Variants in KCNIP4 observed in about 807,000 individuals in gnomAD.
KCNIP4 encodes Kv channel-interacting protein 4.
Under a neutral mutation model 34.0 loss-of-function variants are expected in KCNIP4, and 12 were observed. That is an observed-to-expected ratio of 0.35 (90% CI 0.23 to 0.57). The LOEUF (loss-of-function observed/expected upper bound fraction) is 0.57. KCNIP4 is among the 20% of genes least tolerant of loss of function. The pLI is 0.83. For synonymous variants in KCNIP4, 124 were observed against 102.2 expected (o/e 1.21, Z -1.29); for missense variants, 238 against 311.7 (o/e 0.76, Z 1.78).
chr4:21,789,352 T>C (rs1720122500), intron 1 of KCNIP4, among the ~76,000 whole-genome samples: 1 of 152,144 alleles, frequency 6.6e-6, no homozygotes, highest in South Asian at 2.1e-4. Context: ...GCTGACAATT[T>C]ATCTCTAATA....
chr4:21,647,249 AT>A (rs1747090342), intron 1 of KCNIP4, among the ~76,000 whole-genome samples: 1 of 152,116 alleles, frequency 6.6e-6, no homozygotes, highest in African/African-American at 2.4e-5. Flanking sequence ...ACATATACAC[AT>A]TTTTTGGAAG....
At chr4:21,106,709 T>A (rs1748578662) in intron 1 of KCNIP4, among the ~76,000 whole-genome samples, 1 of 151,640 alleles carries the variant, frequency 6.6e-6, no homozygotes, top group Non-Finnish European at 1.5e-5. Context: ...GTTTTGGATC[T>A]TTCCTGCTTT....
At chr4:20,952,496 A>G (rs1347752709) in intron 1 of KCNIP4, among the ~76,000 whole-genome samples, 1 of 152,144 alleles carries the variant, frequency 6.6e-6, no homozygotes, top group Non-Finnish European at 1.5e-5. Context: ...TGATACCTTG[A>G]CAAGATGTAA....
chr4:21,819,880 G>T (rs369656852), intron 1 of KCNIP4, among the ~76,000 whole-genome samples: 1 of 151,872 alleles, frequency 6.6e-6, no homozygotes, highest in Non-Finnish European at 1.5e-5. Flanking sequence ...TATGAGATTT[G>T]GTCTCTTTTA....
At position 20,729,415 on chromosome 4, in the gene KCNIP4, A is replaced by ATTAAATGCTTATTAAAATAAGTTTT. The variant is rs1553881441; in HGVS notation, c.*642_*666dup. 1 of 152,358 alleles carries ATTAAATGCTTATTAAAATAAGTTTT rather than the reference A, an allele frequency of 6.6e-6. No individual in the cohort carries two copies. The highest frequency in any genetic ancestry group is 1.5e-5 in the Non-Finnish European group (1 of 68,000). The allele number at this position is 152,358 out of a possible 1,614,324, so 9.4% of individuals were successfully genotyped here. On this transcript the variant is annotated 3_prime_UTR_variant, in exon 9 of 9. Coordinates refer to ENST00000382152, the MANE Select transcript of KCNIP4 (RefSeq NM_025221.6). Reference sequence around the variant, plus strand: ...CCTTGGCTGTAACATATTATGGAAAATTAAATGCTTATTAAAATAAGTTTT... The same window carrying ATTAAATGCTTATTAAAATAAGTTTT: ...CCTTGGCTGTAACATATTATGGAAAATTAAATGCTTATTAAAATAAGTTTTTTAAATGCTTATTAAAATAAGTTTT...
chr4:21,134,270 T>C (rs1445721653), intron 1 of KCNIP4, among the ~76,000 whole-genome samples: 4 of 152,246 alleles, frequency 2.6e-5, no homozygotes, highest in African/African-American at 7.2e-5. Flanking sequence ...TGAAGACTTA[T>C]ATGATGATCC....
intron 1 of KCNIP4, among the ~76,000 whole-genome samples, chr4:21,098,521 G>A (rs1747658477): frequency 6.6e-6 from 1 of 152,048 alleles, no homozygotes; most frequent in Non-Finnish European, 1.5e-5. Flanking sequence ...TAAACTTACT[G>A]TGTTTGTCCT....
At chr4:21,101,280 T>C (rs1390955550) in intron 1 of KCNIP4, among the ~76,000 whole-genome samples, 1 of 152,192 alleles carries the variant, frequency 6.6e-6, no homozygotes, top group East Asian at 1.9e-4. Context: ...GCTTGCAAAA[T>C]ACATGATTCC....
chr4:21,775,747 C>T (rs903615952), intron 1 of KCNIP4, among the ~76,000 whole-genome samples: 1 of 152,216 alleles, frequency 6.6e-6, no homozygotes, highest in African/African-American at 2.4e-5. Flanking sequence ...CTGGCCACAA[C>T]TTGTGTGTTG....
At chr4:21,026,134 G>A (rs1178943499) in intron 1 of KCNIP4, among the ~76,000 whole-genome samples, 4 of 152,108 alleles carry the variant, frequency 2.6e-5, no homozygotes, top group Non-Finnish European at 5.9e-5. Context: ...CTTGCCTTCT[G>A]GTTTCTGGTC....
chr4:21,528,776 AAAGG>A (rs1736345863), intron 1 of KCNIP4, among the ~76,000 whole-genome samples: 14 of 13,860 alleles, frequency 1.0e-3, no homozygotes, highest in African/African-American at 2.5e-3. Flanking sequence ...AGAAAGAAAG[AAAGG>A]AAGAAAGGAA....
intron 1 of KCNIP4, among the ~76,000 whole-genome samples, chr4:21,415,782 G>A (rs1000070393): frequency 2.0e-5 from 3 of 152,008 alleles, no homozygotes; most frequent in African/African-American, 7.2e-5. Flanking sequence ...ACACACACAC[G>A]TACAAACACA....
At position 21,504,504 on chromosome 4, in the gene KCNIP4, A is replaced by AAAGAAAGG. The variant is rs1451213413; in HGVS notation, c.61+444066_61+444067insCCTTTCTT. 4.4e-3 allele frequency among the ~76,000 whole-genome samples: 582 copies of AAAGAAAGG among 133,246 alleles called. 8 individuals carry two copies. The highest frequency in any genetic ancestry group is 0.012 in the African/African-American group (425 of 35,802). 87.4% of individuals were successfully genotyped at this position (133,246 alleles called of 152,430 possible). On this transcript the variant is annotated intron_variant, in intron 1 of 8. Transcript: ENST00000382152. The stretch of plus-strand genomic sequence containing the variant: ...GAAAGAAAGAAAGAAAGAAAGAAAG[A>AAAGAAAGG]AAGGAAGGAAGGAAGAAAGCAAGCA...
chr4:21,494,493 T>C (rs1732673808), intron 1 of KCNIP4, among the ~76,000 whole-genome samples: 1 of 151,944 alleles, frequency 6.6e-6, no homozygotes. Context: ...CCTATTAAGG[T>C]GCTGAGTGCG....
At chr4:21,792,264 G>A (rs767077244) in intron 1 of KCNIP4, among the ~76,000 whole-genome samples, 6 of 152,136 alleles carry the variant, frequency 3.9e-5, no homozygotes, top group Non-Finnish European at 8.8e-5. Context: ...GAAGGAATCA[G>A]CAAGGAGATG....
intron 1 of KCNIP4, among the ~76,000 whole-genome samples, chr4:21,573,699 C>T (rs957169874): frequency 2.6e-5 from 4 of 152,016 alleles, no homozygotes; most frequent in African/African-American, 9.7e-5. Context: ...CAACTTATGA[C>T]ATATTTTAGA....
intron 1 of KCNIP4, among the ~76,000 whole-genome samples, chr4:21,833,731 A>T (rs360693): frequency 3.3e-5 from 5 of 151,734 alleles, no homozygotes; most frequent in East Asian, 1.9e-4. Context: ...TTAGATCTAA[A>T]GTTTAAGTCT....
intron 1 of KCNIP4, among the ~76,000 whole-genome samples, chr4:21,666,120 A>T (rs1748935955): frequency 6.6e-6 from 1 of 152,190 alleles, no homozygotes; most frequent in South Asian, 2.1e-4. Context: ...TACTGGTGCC[A>T]AGTTAAGAAG....
chr4:21,585,961 C>T (rs1329926054), intron 1 of KCNIP4, among the ~76,000 whole-genome samples: 2 of 152,028 alleles, frequency 1.3e-5, no homozygotes, highest in Non-Finnish European at 2.9e-5. Flanking sequence ...AAGAGAGTCT[C>T]TATCCTTTGG....
Sources: allele counts gnomAD v4.1 joint callset (sites outside exome capture counted in the v4.1 genomes callset), GRCh38; gene constraint gnomAD v4.1.1; transcripts MANE v1.5; gene names NCBI Gene and HGNC (gene_info 2026-07-23, HGNC 2026-07-21).